The following NELFB variants were observed in gnomAD, a reference collection of about 807,000 sequenced individuals.
The protein encoded by NELFB is negative elongation factor complex member B, also known as negative elongation factor B.
In NELFB, 34 loss-of-function variants were observed where a neutral mutation model predicts 60.2. The ratio of observed to expected loss-of-function variants is 0.56; its 90% confidence interval spans 0.43 to 0.75. The LOEUF is 0.75. Ranked by LOEUF, NELFB falls within the 30% of genes least tolerant of loss-of-function variation. The pLI is 0.00. For synonymous variants in NELFB, 459 were observed against 382.1 expected (o/e 1.20, Z -2.35); for missense variants, 770 against 831.6 (o/e 0.93, Z 0.91).
rs9777301 is a variant in NELFB at position 137,259,870 on chromosome 9, G to A, written c.741+2816G>A. Among the ~76,000 whole-genome samples, 1,377 of 148,114 alleles carry A rather than the reference G, an allele frequency of 9.3e-3. 23 individuals are homozygous for A. The highest frequency in any genetic ancestry group is 0.032 in the African/African-American group (1,295 of 40,534). The stretch of plus-strand genomic sequence containing the variant: ...CTCCCAAGTAGCTGGGACTACAGGC[G>A]CCTGCCACCATGCCCGGCTAATTTT... On this transcript the variant is annotated intron_variant, in intron 4 of 12. Transcript: ENST00000343053.
chr9:137,272,555 C>T lies in NELFB; in HGVS notation c.1680C>T (p.His560=), dbSNP rs534425478. The change falls in exon 12 of 13, where the codon CAC becomes CAT. Residue 560 remains histidine (H), a synonymous_variant. Transcript: ENST00000343053. ...CGCTGCGGCTCCTCATTCACCTGCA[C>T]CCCAGGGTGGCCCCGTCTAAGCTGG... is the stretch of plus-strand genomic sequence containing the variant. 1 of 1,612,348 alleles carries T rather than the reference C, an allele frequency of 6.2e-7. No individual in the cohort carries two copies. Among genetic ancestry groups the T allele is most frequent in the East Asian group, 2.2e-5 (1 of 44,868 alleles).
Position 137,267,104 on chromosome 9 carries a change from ATGGTGCAGGGGTGGCCG to A in NELFB, c.1382+22_1382+38del, listed in dbSNP as rs765874438. On this transcript the variant is annotated intron_variant, in intron 9 of 12. Coordinates refer to ENST00000343053, the MANE Select transcript of NELFB (RefSeq NM_015456.5). ...TTCACTAAGTACGGGCTGTAGGGCC[ATGGTGCAGGGGTGGCCG>A]TGGCGCAGGGATGGCACTGTTGCCC... 1 of 1,613,766 alleles carries A rather than the reference ATGGTGCAGGGGTGGCCG, an allele frequency of 6.2e-7. No homozygotes were observed. Among genetic ancestry groups the A allele is most frequent in the South Asian group, 1.1e-5 (1 of 91,076 alleles).
rs766227621 is a variant in NELFB, at chr9:137,263,048, G to T, written c.753G>T (p.Arg251=). 2 of 1,612,616 alleles carry T rather than the reference G, an allele frequency of 1.2e-6. No homozygotes were observed. The highest frequency in any genetic ancestry group is 2.2e-5 in the South Asian group (2 of 91,052). Reference sequence around the variant, plus strand: ...GCCTCTTGCTGCAGGTGGTGCAGCGGCTGACGCGGATGGTGGGGAAGAACG... The same window carrying T: ...GCCTCTTGCTGCAGGTGGTGCAGCGTCTGACGCGGATGGTGGGGAAGAACG... Residue 251 remains arginine (R), a synonymous_variant, in exon 5 of 13, where the codon CGG becomes CGT. Transcript: ENST00000343053.
At chr9:137,266,273 A>C (rs1368138798) in intron 7 of NELFB, 58 bp from the exon 8 acceptor site, 27 of 1,462,130 alleles carry the variant, frequency 1.8e-5, no homozygotes, top group East Asian at 2.3e-5. Flanking sequence ...GGGTCAGAGG[A>C]GCTCCATGGC....
rs1837535808 is a variant in NELFB at position 137,255,517 on chromosome 9, C to T, written c.152C>T (p.Ala51Val). 3 of 1,538,332 alleles carry T rather than the reference C, an allele frequency of 2.0e-6. No homozygotes were observed. The South Asian group carries it at 3.6e-5, about 19-fold the overall frequency. The change falls in exon 1 of 13, where the codon GCG (alanine) becomes GTG (valine). Residue 51 changes from alanine (A) to valine (V), a missense_variant. Transcript: ENST00000343053. ...GTGGCCGGGGCCTCGGCCATGTTCG[C>T]GGGGCTGCAGGACCTGGGCGTGGCC...
At position 137,272,097 on chromosome 9, in the gene NELFB, C is replaced by T. The variant is rs1337517569; in HGVS notation, c.1506C>T (p.Asp502=). The change falls in exon 11 of 13, where the codon GAC becomes GAT. Residue 502 remains aspartate (D), a synonymous_variant. Transcript: ENST00000343053. ...TGTCTGCAGTGGAGACCTTTGGCGA[C>T]TTGGCCTTTGGCGACATCTTCCTCC... 1.9e-6 allele frequency: 3 copies of T among 1,614,188 alleles called. No individual in the cohort carries two copies. In the East Asian group the frequency reaches 6.7e-5, roughly 36 times the overall value.
chr9:137,264,241 G>T lies in NELFB; in HGVS notation c.928-4G>T. On this transcript the variant is annotated splice_region_variant and splice_polypyrimidine_tract_variant and intron_variant, in intron 5 of 12. Coordinates refer to ENST00000343053, the MANE Select transcript of NELFB (RefSeq NM_015456.5). Reference sequence around the variant, plus strand: ...CTGGTCCCGACCGTGCTTCCTCCTTGCAGTTCACCTGGTGCCTGGACGCCT... The same window carrying T: ...CTGGTCCCGACCGTGCTTCCTCCTTTCAGTTCACCTGGTGCCTGGACGCCT... The T allele has an allele frequency of 6.3e-7, 1 of 1,579,386 alleles. No individual in the cohort carries two copies. The highest frequency in any genetic ancestry group is 8.6e-7 in the Non-Finnish European group (1 of 1,163,444).
At position 137,269,209 on chromosome 9, in the gene NELFB, C is replaced by T. The variant is rs1830553822; in HGVS notation, c.1489+1863C>T. ...TGGGTATTAACCTGTCCCCAGCCAT[C>T]CTCTCACTGAGCTTGGGTTGCCTGG... On this transcript the variant is annotated intron_variant, in intron 10 of 12. Coordinates refer to ENST00000343053, the MANE Select transcript of NELFB (RefSeq NM_015456.5). This position sits in a 1 kb window ranked among gnomAD's most constrained non-coding sequence, Gnocchi z 5.3. Among the ~76,000 whole-genome samples, 2 of 152,104 alleles carry T rather than the reference C, an allele frequency of 1.3e-5. No individual in the cohort carries two copies. The highest frequency in any genetic ancestry group is 2.9e-5 in the Non-Finnish European group (2 of 68,030).
At chr9:137,257,778 AG>A (rs925581345) in intron 4 of NELFB, among the ~76,000 whole-genome samples, 27 of 146,930 alleles carry the variant, frequency 1.8e-4, no homozygotes, top group African/African-American at 6.8e-4. Context: ...CTGGGATTAC[AG>A]GGGTGAGCCA....
rs957550976 is a variant in NELFB at position 137,255,394 on chromosome 9, G to C, written c.29G>C (p.Arg10Pro). The C allele has an allele frequency of 2.6e-6, 2 of 775,740 alleles. No homozygotes were observed. The highest frequency in any genetic ancestry group is 3.7e-5 in the African/African-American group (2 of 54,688). 48.1% of individuals were successfully genotyped at this position (775,740 alleles called of 1,614,324 possible). A position where few individuals can be genotyped will look rare whatever the true frequency, so the allele number is the denominator to read the frequency against. ...GCCGAGCTGGAGGGCGCCGGGGAGC[G>C]GGGCTCGGGCGGTCCCCGAGGCCCG... The change falls in exon 1 of 13, where the codon CGG (arginine) becomes CCG (proline). Residue 10 changes from arginine (R) to proline (P), a missense_variant. Arg to Pro is a moderately radical substitution (Grantham distance 103). Transcript: ENST00000343053.
chr9:137,272,871 G>A lies in NELFB; in HGVS notation c.1830G>A (p.Ala610=), dbSNP rs148005191. The change falls in exon 13 of 13, where the codon GCG becomes GCA. Residue 610 remains alanine (A), a synonymous_variant. Coordinates refer to ENST00000343053, the MANE Select transcript of NELFB (RefSeq NM_015456.5). ...GGAAGCCCAGCCCGGCACAGGCTGCGGAGACGCCGGCCCTGGAGCTGCCCC... is the reference window on the plus strand; with the variant it reads ...GGAAGCCCAGCCCGGCACAGGCTGCAGAGACGCCGGCCCTGGAGCTGCCCC... The A allele has an allele frequency of 9.3e-3, 14,400 of 1,548,610 alleles. 124 individuals are homozygous for A. The highest frequency in any genetic ancestry group is 0.021 in the South Asian group (1,726 of 83,910).
At chr9:137,272,376 G>A in intron 11 of NELFB, 131 bp from the exon 12 acceptor site, 1 of 1,454,084 alleles carries the variant, frequency 6.9e-7, no homozygotes. Flanking sequence ...AGGGTGCCTG[G>A]GCACAGCTGG....
At position 137,267,254 on chromosome 9, in the gene NELFB, A is replaced by G. The variant is rs1356315130; in HGVS notation, c.1397A>G (p.Gln466Arg). The change falls in exon 10 of 13, where the codon CAG becomes CGG. Residue 466 changes from glutamine to arginine, a missense_variant. By Grantham distance (43) the Gln-to-Arg change is conservative. Transcript: ENST00000343053. ...CCCGGGCGCAGGTTTCTGCAGGAGC[A>G]GCGCATGGCCTGCGAGGTGGGGCTG... 6.2e-7 allele frequency: 1 copy of G among 1,612,444 alleles called. No individual in the cohort carries two copies. Among genetic ancestry groups the G allele is most frequent in the Non-Finnish European group, 8.5e-7 (1 of 1,179,100 alleles).
rs1830554747 is a variant in NELFB at position 137,269,271 on chromosome 9, C to T, written c.1489+1925C>T. On this transcript the variant is annotated intron_variant, in intron 10 of 12. Transcript: ENST00000343053. The surrounding 1 kb of genome is among the most constrained non-coding windows in gnomAD (Gnocchi z 5.3). ...CTGTTGTTGCTGGAACGAATGACCACAGACAGTGGCATTAGACAGCGCAGG... is the reference window on the plus strand; with the variant it reads ...CTGTTGTTGCTGGAACGAATGACCATAGACAGTGGCATTAGACAGCGCAGG... Among the ~76,000 whole-genome samples the T allele has an allele frequency of 6.6e-6, 1 of 152,174 alleles. No homozygotes were observed. The highest frequency in any genetic ancestry group is 2.1e-4 in the South Asian group (1 of 4,822).
At chr9:137,262,772 G>A (rs911719335) in intron 4 of NELFB, among the ~76,000 whole-genome samples, 3 of 152,182 alleles carry the variant, frequency 2.0e-5, no homozygotes, top group African/African-American at 7.2e-5. Flanking sequence ...CAAGGCTGCA[G>A]TGAGCCACAG....
chr9:137,258,957 A>T (rs1837601827), intron 4 of NELFB, among the ~76,000 whole-genome samples: 2 of 152,176 alleles, frequency 1.3e-5, no homozygotes, highest in Non-Finnish European at 2.9e-5. Context: ...TACTCCTAGT[A>T]CTTTGGGAGG....
In NELFB at chr9:137,262,543, G is replaced by A. The variant is rs189168564; in HGVS notation, c.742-494G>A. On this transcript the variant is annotated intron_variant, in intron 4 of 12. Coordinates refer to ENST00000343053, the MANE Select transcript of NELFB (RefSeq NM_015456.5). ...TATAATATTGGAATAAAGAGTAATT[G>A]CTACAAGCTAATGACTAATATTCAA... Among the ~76,000 whole-genome samples, 436 of 152,336 alleles carry A rather than the reference G, an allele frequency of 2.9e-3. 1 individual carries two copies. Among genetic ancestry groups the A allele is most frequent in the African/African-American group, 9.8e-3 (406 of 41,566 alleles).
chr9:137,273,036 C>G lies in NELFB; in HGVS notation c.*108C>G. On this transcript the variant is annotated 3_prime_UTR_variant, in exon 13 of 13. Coordinates refer to ENST00000343053, the MANE Select transcript of NELFB (RefSeq NM_015456.5). ...TACAGGGCAGTCTCTCTTCCCGGGG[C>G]TATGGCTGGGCCTGTCCTGCCGTCA... 7.9e-7 allele frequency: 1 copy of G among 1,270,802 alleles called. No homozygotes were observed. Among genetic ancestry groups the G allele is most frequent in the Non-Finnish European group, 1.1e-6 (1 of 951,534 alleles). The allele number at this position is 1,270,802 out of a possible 1,614,324, so 78.7% of individuals were successfully genotyped here.
intron 1 of NELFB, 97 bp from the exon 2 acceptor site, chr9:137,255,810 G>T (rs528374974): frequency 3.2e-6 from 5 of 1,553,572 alleles, no homozygotes; most frequent in Non-Finnish European, 4.3e-6. Flanking sequence ...CGCCAGCACG[G>T]CTGGGAACAC....
Sources: gnomAD v4.1 joint callset for allele counts (sites outside exome capture counted in the v4.1 genomes callset) on GRCh38, gnomAD v4.1.1 for gene constraint, Gnocchi (gnomAD v3.1) non-coding constraint, MANE v1.5 for transcripts, NCBI Gene and HGNC (gene_info 2026-07-23, HGNC 2026-07-21) for gene names.